The following CDK6 variants were observed in gnomAD, a reference collection of about 807,000 sequenced individuals.
The protein encoded by CDK6 is cyclin dependent kinase 6, also known as cyclin-dependent kinase 6.
CDK6 carries 6 observed loss-of-function variants against 37.1 expected under a neutral mutation model. The ratio of observed to expected loss-of-function variants is 0.16; its 90% CI spans 0.09 to 0.32. The LOEUF is 0.32. Among genes scored for constraint, CDK6 ranks in the 10% least tolerant of loss-of-function variants. The pLI, the probability that CDK6 is intolerant of heterozygous loss-of-function variation, is 1.00. For synonymous variants in CDK6, 160 were observed against 161.3 expected (o/e 0.99, Z 0.06); for missense variants, 224 against 418.9 (o/e 0.53, Z 4.06).
rs1471758455 is a variant in CDK6 at position 92,609,787 on chromosome 7, G to C, written c.*5353C>G. 4.3e-6 allele frequency: 1 copy of C among 229,978 alleles called. No individual in the cohort carries two copies. Among genetic ancestry groups the C allele is most frequent in the Non-Finnish European group, 8.6e-6 (1 of 116,134 alleles). The allele number at this position is 229,978 out of a possible 1,614,324, so 14.2% of individuals were successfully genotyped here. ...ACTAAGCCTGTTTTAATCTAGAAAA[G>C]TAAGGTAACTGGGTACTTCAAAAAT... is the stretch of plus-strand genomic sequence containing the variant. On this transcript the variant is annotated 3_prime_UTR_variant, in exon 8 of 8. Coordinates refer to ENST00000424848, the MANE Select transcript of CDK6 (RefSeq NM_001145306.2).
intron 2 of CDK6, among the ~76,000 whole-genome samples, chr7:92,786,528 C>A (rs1277577882): frequency 6.6e-6 from 1 of 151,876 alleles, no homozygotes; most frequent in Non-Finnish European, 1.5e-5. Flanking sequence ...AATGACAAAA[C>A]TGCACAACAC....
Position 92,608,257 on chromosome 7 carries a change from G to A in CDK6, c.*6883C>T, listed in dbSNP as rs1795475125. Reference sequence around the variant, plus strand: ...TGACAATCCAAACTCCTAAAATTGAGAAAGGGTTATTTGTGTGACCAAACA... The same window carrying A: ...TGACAATCCAAACTCCTAAAATTGAAAAAGGGTTATTTGTGTGACCAAACA... On this transcript the variant is annotated 3_prime_UTR_variant, in exon 8 of 8. Transcript: ENST00000424848. The A allele has an allele frequency of 4.3e-6, 1 of 232,066 alleles. No individual in the cohort carries two copies. The highest frequency in any genetic ancestry group is 5.6e-5 in the Admixed American group (1 of 17,738). The allele number at this position is 232,066 out of a possible 1,614,324, so 14.4% of individuals were successfully genotyped here.
At chr7:92,719,835 C>G (rs1019390727) in intron 4 of CDK6, among the ~76,000 whole-genome samples, 5 of 152,144 alleles carry the variant, frequency 3.3e-5, no homozygotes, top group African/African-American at 9.7e-5. Flanking sequence ...GTGGCTGGCT[C>G]TAACTGCCTG....
chr7:92,654,185 A>T (rs1585372021), intron 5 of CDK6, among the ~76,000 whole-genome samples: 1 of 145,248 alleles, frequency 6.9e-6, no homozygotes, highest in Non-Finnish European at 1.5e-5. Context: ...AGAGTGTTCA[A>T]TTCTTGTGGC....
At chr7:92,631,733 C>T (rs1441999298) in intron 5 of CDK6, among the ~76,000 whole-genome samples, 3 of 152,082 alleles carry the variant, frequency 2.0e-5, no homozygotes, top group African/African-American at 7.2e-5. Flanking sequence ...TATAGGATGA[C>T]AAGGAGATTT....
At chr7:92,711,176 T>C (rs187495265) in intron 4 of CDK6, among the ~76,000 whole-genome samples, 276 of 152,254 alleles carry the variant, frequency 1.8e-3, no homozygotes, top group Middle Eastern at 6.8e-3. Flanking sequence ...AGCCCAAAGA[T>C]GTTCACTGCA....
At chr7:92,811,394 C>T (rs1008941802) in intron 2 of CDK6, among the ~76,000 whole-genome samples, 5 of 152,106 alleles carry the variant, frequency 3.3e-5, no homozygotes, top group Non-Finnish European at 7.4e-5. Context: ...AAAATATTTA[C>T]GCCCTCCTTA....
At chr7:92,668,252 G>A (rs1313176986) in intron 5 of CDK6, among the ~76,000 whole-genome samples, 1 of 152,114 alleles carries the variant, frequency 6.6e-6, no homozygotes, top group Non-Finnish European at 1.5e-5. Flanking sequence ...TATAACCTAG[G>A]TGTGTAGTAG....
intron 2 of CDK6, among the ~76,000 whole-genome samples, chr7:92,794,332 A>T (rs1800352862): frequency 6.6e-6 from 1 of 152,162 alleles, no homozygotes; most frequent in African/African-American, 2.4e-5. Context: ...ATTGCCCAGC[A>T]TCCTAAAGAC....
chr7:92,811,059 G>GA (rs201804019), intron 2 of CDK6, among the ~76,000 whole-genome samples: 19 of 148,480 alleles, frequency 1.3e-4, no homozygotes, highest in Admixed American at 5.3e-4. Flanking sequence ...CAGCGCCAAA[G>GA]AAAAAAAAAG....
rs553527256 is a variant in CDK6, at chr7:92,828,612, A to G, written c.233+4479T>C. On this transcript the variant is annotated intron_variant, in intron 2 of 7. Coordinates refer to ENST00000424848, the MANE Select transcript of CDK6 (RefSeq NM_001145306.2). ...AAAAAAGAAATAATTTATTTTTAAT[A>G]GGAACCTATTTGCATAGATATTCAT... Among the ~76,000 whole-genome samples the G allele has an allele frequency of 2.6e-5, 4 of 152,338 alleles. No individual in the cohort carries two copies. The South Asian group carries it at 8.3e-4, about 32-fold the overall frequency.
chr7:92,801,409 C>T (rs1380059712), intron 2 of CDK6, among the ~76,000 whole-genome samples: 1 of 152,120 alleles, frequency 6.6e-6, no homozygotes, highest in East Asian at 1.9e-4. Flanking sequence ...TGCTCTCTCT[C>T]TCTCTCTATC....
At chr7:92,794,751 T>C (rs552628304) in intron 2 of CDK6, among the ~76,000 whole-genome samples, 20 of 152,242 alleles carry the variant, frequency 1.3e-4, no homozygotes, top group African/African-American at 4.6e-4. Flanking sequence ...AATGGATATA[T>C]AATATGAATT....
At chr7:92,667,749 G>A (rs920261245) in intron 5 of CDK6, among the ~76,000 whole-genome samples, 1 of 151,484 alleles carries the variant, frequency 6.6e-6, no homozygotes, top group African/African-American at 2.4e-5. Flanking sequence ...ACAGGGTTTC[G>A]CCATGTTACC....
chr7:92,805,199 T>C (rs1306354827), intron 2 of CDK6, among the ~76,000 whole-genome samples: 2 of 152,166 alleles, frequency 1.3e-5, no homozygotes, highest in East Asian at 1.9e-4. Context: ...GACTGAATCA[T>C]GTAATCTGCC....
intron 4 of CDK6, among the ~76,000 whole-genome samples, chr7:92,713,151 G>A (rs936609073): frequency 2.0e-5 from 3 of 152,178 alleles, no homozygotes; most frequent in Non-Finnish European, 4.4e-5. Context: ...GAGCCACTGC[G>A]CCCGGTTGAC....
chr7:92,613,376 A>G lies in CDK6; in HGVS notation c.*1764T>C. The G allele has an allele frequency of 4.3e-6, 1 of 233,682 alleles. No homozygotes were observed. The highest frequency in any genetic ancestry group is 5.6e-5 in the Admixed American group (1 of 17,802). 14.5% of individuals were successfully genotyped at this position (233,682 alleles called of 1,614,324 possible). ...CTAAACATAATCTAACTGTTGCATG[A>G]TCTAACTGTTGCATGCACTCTGAGT... On this transcript the variant is annotated 3_prime_UTR_variant, in exon 8 of 8. Coordinates refer to ENST00000424848, the MANE Select transcript of CDK6 (RefSeq NM_001145306.2).
chr7:92,809,172 T>G (rs776700872), intron 2 of CDK6, among the ~76,000 whole-genome samples: 5 of 152,164 alleles, frequency 3.3e-5, no homozygotes, highest in Admixed American at 6.5e-5. Flanking sequence ...TTTTAAATTG[T>G]TTCATAAATT....
In CDK6 at chr7:92,641,423, C is replaced by T. The variant is rs144609570; in HGVS notation, c.648-18337G>A. 1.6e-3 allele frequency among the ~76,000 whole-genome samples: 238 copies of T among 152,054 alleles called. 1 individual carries two copies. The highest frequency in any genetic ancestry group is 5.2e-3 in the African/African-American group (214 of 41,490). Reference sequence around the variant, plus strand: ...TTACTATAATTATGTATTTTGATGCCCAAATTGTTTTATATTTGTCCAGTG... The same window carrying T: ...TTACTATAATTATGTATTTTGATGCTCAAATTGTTTTATATTTGTCCAGTG... On this transcript the variant is annotated intron_variant, in intron 5 of 7. Coordinates refer to ENST00000424848, the MANE Select transcript of CDK6 (RefSeq NM_001145306.2).
Sources: gnomAD v4.1 joint callset for allele counts (sites outside exome capture counted in the v4.1 genomes callset) on GRCh38, gnomAD v4.1.1 for gene constraint, MANE v1.5 for transcripts, NCBI Gene and HGNC (gene_info 2026-07-23, HGNC 2026-07-21) for gene names.